Variants in SLC25A42 observed in about 807,000 individuals in gnomAD.
SLC25A42 encodes the protein mitochondrial coenzyme A transporter SLC25A42.
SLC25A42 carries 19 observed loss-of-function variants against 34.7 expected under a neutral mutation model. The observed-to-expected ratio is 0.55, with a 90% CI of 0.38 to 0.80. SLC25A42 has a LOEUF of 0.80. SLC25A42 is among the 30% of genes least tolerant of loss of function. The pLI is 0.00. For missense variants in SLC25A42, 364 were observed against 441.3 expected (o/e 0.82, Z 1.57); for synonymous variants, 205 against 191.2 (o/e 1.07, Z -0.59).
intron 1 of SLC25A42, among the ~76,000 whole-genome samples, chr19:19,071,582 T>C (rs2059630125): frequency 6.6e-6 from 1 of 152,058 alleles, no homozygotes; most frequent in Non-Finnish European, 1.5e-5. Context: ...GAAAGCAAAA[T>C]TAGGGCTGGT....
chr19:19,083,991 C>G (rs1210509678), intron 1 of SLC25A42, among the ~76,000 whole-genome samples: 3 of 151,078 alleles, frequency 2.0e-5, no homozygotes, highest in African/African-American at 7.3e-5. Context: ...GCTGCACACA[C>G]CTGCCCACAC....
intron 1 of SLC25A42, among the ~76,000 whole-genome samples, chr19:19,086,653 C>T (rs895340699): frequency 1.3e-5 from 2 of 151,422 alleles, no homozygotes; most frequent in Non-Finnish European, 2.9e-5. Flanking sequence ...TGTTTTGTTT[C>T]GTTTTGAGAC....
At position 19,106,496 on chromosome 19, in the gene SLC25A42, C is replaced by T; in HGVS notation, c.497+111C>T. On this transcript the variant is annotated intron_variant, in intron 6 of 7. Transcript: ENST00000318596. ...GCCCCAGGGGTTTGCATCTGGGCCT[C>T]CGTGTCCACAGGGCAGGCCTGATGT... 7.5e-6 allele frequency: 6 copies of T among 796,894 alleles called. 1 individual carries two copies. In the South Asian group the frequency reaches 1.0e-4, roughly 14 times the overall value. The allele number at this position is 796,894 out of a possible 1,614,324, so 49.4% of individuals were successfully genotyped here.
At chr19:19,066,625 A>AT (rs1445910032) in intron 1 of SLC25A42, among the ~76,000 whole-genome samples, 10 of 151,306 alleles carry the variant, frequency 6.6e-5, no homozygotes, top group Middle Eastern at 3.4e-3. Context: ...ATTTTTTCAT[A>AT]TTTTTTTAGT....
intron 6 of SLC25A42, among the ~76,000 whole-genome samples, chr19:19,107,500 A>T (rs2059837987): frequency 6.6e-6 from 1 of 152,048 alleles, no homozygotes; most frequent in South Asian, 2.1e-4. Context: ...GTCTGCTGGC[A>T]TGTATCTGTA....
intron 1 of SLC25A42, among the ~76,000 whole-genome samples, chr19:19,074,310 T>C (rs964344870): frequency 5.3e-5 from 8 of 152,138 alleles, no homozygotes; most frequent in African/African-American, 1.7e-4. Flanking sequence ...GCCTGCGGGG[T>C]TGGGGTTAAC....
intron 3 of SLC25A42, among the ~76,000 whole-genome samples, chr19:19,103,037 G>A (rs1037499024): frequency 9.2e-5 from 14 of 151,992 alleles, no homozygotes; most frequent in African/African-American, 3.1e-4. Flanking sequence ...CTGTCATCAC[G>A]TGGCCTTCTC....
chr19:19,065,819 T>C (rs2059599178), intron 1 of SLC25A42, among the ~76,000 whole-genome samples: 1 of 152,242 alleles, frequency 6.6e-6, no homozygotes, highest in Non-Finnish European at 1.5e-5. Flanking sequence ...GTTATATATG[T>C]ACATGTGTAT....
At chr19:19,066,301 A>G (rs1244911836) in intron 1 of SLC25A42, among the ~76,000 whole-genome samples, 1 of 152,188 alleles carries the variant, frequency 6.6e-6, no homozygotes, top group Non-Finnish European at 1.5e-5. Flanking sequence ...GAGGTAGTCT[A>G]TGACTGGGGT....
chr19:19,110,424 C>CA, intron 7 of SLC25A42, 145 bp from the exon 8 acceptor site: 1 of 562,844 alleles, frequency 1.8e-6, no homozygotes, highest in Non-Finnish European at 2.8e-6. Flanking sequence ...TGTGGGTGCG[C>CA]ATGAGTGCGA....
chr19:19,085,179 G>T (rs2059701009), intron 1 of SLC25A42, among the ~76,000 whole-genome samples: 1 of 152,048 alleles, frequency 6.6e-6, no homozygotes, highest in Admixed American at 6.6e-5. Flanking sequence ...AGGAACTACG[G>T]TGCCCCCAGT....
At chr19:19,106,659 A>G (rs7252273) in intron 6 of SLC25A42, 213,841 of 213,850 alleles carry the variant, frequency 1, 106,916 homozygotes, top group Middle Eastern at 1. Flanking sequence ...ACGGCCGGGC[A>G]CGGTGGCTCA....
At chr19:19,069,501 A>G (rs1014906149) in intron 1 of SLC25A42, among the ~76,000 whole-genome samples, 3 of 152,214 alleles carry the variant, frequency 2.0e-5, no homozygotes, top group Non-Finnish European at 2.9e-5. Flanking sequence ...GAAGGTGTCA[A>G]CAGGACTGGT....
In SLC25A42 at chr19:19,110,740, T is replaced by A; in HGVS notation, c.821T>A (p.Ile274Asn). The change falls in exon 8 of 8, where the codon ATC becomes AAC. Residue 274 changes from isoleucine (I) to asparagine (N), a missense_variant. Transcript: ENST00000318596. ...RASIARTLRTIVREEGAVRGL... is the reference protein window; with the variant it reads ...RASIARTLRTNVREEGAVRGL... The stretch of plus-strand genomic sequence containing the variant: ...TCCATCGCCCGCACGCTGCGCACCA[T>A]CGTGCGGGAGGAGGGCGCCGTGCGC... The A allele has an allele frequency of 6.2e-7, 1 of 1,611,918 alleles. No homozygotes were observed. Among genetic ancestry groups the A allele is most frequent in the Non-Finnish European group, 8.5e-7 (1 of 1,179,358 alleles).
rs1228568449 is a variant in SLC25A42 at position 19,088,396 on chromosome 19, C to T, written c.-34-7695C>T. Among the ~76,000 whole-genome samples, 4 of 151,372 alleles carry T rather than the reference C, an allele frequency of 2.6e-5. No homozygotes were observed. The South Asian group carries it at 8.3e-4, about 32-fold the overall frequency. ...AATTTTTTTGTATTTTTAGTAGAGA[C>T]GGGGTTTCAACGTGTTAGCCAGGAT... On this transcript the variant is annotated intron_variant, in intron 1 of 7. Transcript: ENST00000318596.
intron 2 of SLC25A42, 55 bp from the exon 3 acceptor site, chr19:19,101,726 C>A (rs1237710766): frequency 6.6e-6 from 10 of 1,507,908 alleles, no homozygotes; most frequent in Non-Finnish European, 9.1e-6. Context: ...GGGGCAAGGT[C>A]CTCTGCGGAG....
intron 3 of SLC25A42, 25 bp from the exon 4 acceptor site, chr19:19,104,888 G>A (rs1392593069): frequency 1.2e-6 from 2 of 1,614,110 alleles, no homozygotes; most frequent in Non-Finnish European, 1.7e-6. Flanking sequence ...CATCTCAGTG[G>A]CTTTTGTGCT....
At chr19:19,067,720 AT>A (rs973234516) in intron 1 of SLC25A42, among the ~76,000 whole-genome samples, 209 of 145,102 alleles carry the variant, frequency 1.4e-3, no homozygotes, top group East Asian at 1.4e-3. Flanking sequence ...GCTGTTGCTG[AT>A]TTTTTTTTTT....
Position 19,109,438 on chromosome 19 carries a change from G to A in SLC25A42, c.650-1131G>A, listed in dbSNP as rs1419502448. 6.6e-6 allele frequency among the ~76,000 whole-genome samples: 1 copy of A among 152,124 alleles called. No homozygotes were observed. The highest frequency in any genetic ancestry group is 1.5e-5 in the Non-Finnish European group (1 of 68,008). On this transcript the variant is annotated intron_variant, in intron 7 of 7. Transcript: ENST00000318596. This position sits in a 1 kb window ranked among gnomAD's most constrained non-coding sequence, Gnocchi z 4.1. ...AGCAGATCACAGTGTCTCCTGTCTG[G>A]CTGTTTTTTTGAGACGGAGTCTCAC...
Sources: allele counts gnomAD v4.1 joint callset (sites outside exome capture counted in the v4.1 genomes callset), GRCh38; gene constraint gnomAD v4.1.1; non-coding constraint Gnocchi (gnomAD v3.1); transcripts MANE v1.5; gene names NCBI Gene and HGNC (gene_info 2026-07-23, HGNC 2026-07-21).